Variants in DHX30 observed in about 807,000 individuals in gnomAD.
DHX30 encodes the protein ATP-dependent RNA helicase DHX30.
In DHX30, 4 loss-of-function variants were observed where a neutral mutation model predicts 116.9. The ratio of observed to expected loss-of-function variants is 0.03; its 90% CI spans 0.02 to 0.08. The LOEUF is 0.08. Among genes scored for constraint, DHX30 ranks in the 10% least tolerant of loss-of-function variants. The pLI is 1.00. For missense variants in DHX30, 871 were observed against 1,595.1 expected (o/e 0.55, Z 7.73); for synonymous variants, 697 against 651.7 (o/e 1.07, Z -1.06).
At chr3:47,823,990 CTTTTCCTTTTTT>C (rs894656863) in intron 4 of DHX30, among the ~76,000 whole-genome samples, 1 of 130,960 alleles carries the variant, frequency 7.6e-6, no homozygotes, top group African/African-American at 2.8e-5. Context: ...ATACCATTTT[CTTTTCCTTTTTT>C]TTTTTTTTTT....
chr3:47,825,348 C>G, intron 4 of DHX30: 1 of 538,806 alleles, frequency 1.9e-6, no homozygotes, highest in Non-Finnish European at 3.2e-6. Context: ...GCCGGGGGTC[C>G]TCTCTTCCAT....
chr3:47,829,556 C>A (rs2036738230), intron 6 of DHX30, among the ~76,000 whole-genome samples: 1 of 151,330 alleles, frequency 6.6e-6, no homozygotes, highest in Non-Finnish European at 1.5e-5. Context: ...GTTGGCCAGG[C>A]TGGTCTTGAA....
At chr3:47,826,796 G>A (rs1255764272) in intron 4 of DHX30, among the ~76,000 whole-genome samples, 1 of 152,178 alleles carries the variant, frequency 6.6e-6, no homozygotes, top group Admixed American at 6.5e-5. Flanking sequence ...GTTTGGTTCT[G>A]TGGGAGTCTT....
chr3:47,825,131 G>T (rs776272240), intron 4 of DHX30: 1 of 673,688 alleles, frequency 1.5e-6, no homozygotes, highest in South Asian at 1.5e-5. Flanking sequence ...CGACAGGGTC[G>T]CTCGCGCGGC....
chr3:47,803,858 A>T lies in DHX30; in HGVS notation c.-123+646A>T, dbSNP rs569325166. 2.6e-5 allele frequency among the ~76,000 whole-genome samples: 4 copies of T among 152,214 alleles called. No homozygotes were observed. In the East Asian group the frequency reaches 5.8e-4, roughly 22 times the overall value. ...TCCTCAGAAACCCTAAGCCAGGGAT[A>T]TGGCATATCTAGTCGTTGTGTAGCA... On this transcript the variant is annotated intron_variant, in intron 1 of 21. Coordinates refer to ENST00000445061, the MANE Select transcript of DHX30 (RefSeq NM_138615.3).
At chr3:47,808,876 C>T (rs1228563388) in intron 2 of DHX30, among the ~76,000 whole-genome samples, 1 of 150,696 alleles carries the variant, frequency 6.6e-6, no homozygotes, top group Non-Finnish European at 1.5e-5. Flanking sequence ...TGCAACCAGC[C>T]GAGTTTTGTT....
intron 4 of DHX30, chr3:47,824,923 A>G (rs1418818518): frequency 1.2e-5 from 6 of 483,380 alleles, no homozygotes; most frequent in Non-Finnish European, 2.2e-5. Flanking sequence ...GCCCTCGCCT[A>G]GGCTTGGGCT....
intron 4 of DHX30, among the ~76,000 whole-genome samples, chr3:47,818,769 C>T (rs2036166812): frequency 6.6e-6 from 1 of 152,166 alleles, no homozygotes; most frequent in Non-Finnish European, 1.5e-5. Flanking sequence ...TCCTCTTCTC[C>T]CTCAGACTTA....
intron 4 of DHX30, among the ~76,000 whole-genome samples, chr3:47,821,266 CTTTCTTT>C (rs1364981656): frequency 6.7e-6 from 1 of 149,204 alleles, no homozygotes; most frequent in Non-Finnish European, 1.5e-5. Context: ...TTTTTCCTAA[CTTTCTTT>C]TTTCTTTTTT....
chr3:47,847,158 C>A lies in DHX30; in HGVS notation c.1930-115C>A. On this transcript the variant is annotated intron_variant, in intron 11 of 21. Transcript: ENST00000445061. This position sits in a 1 kb window ranked among gnomAD's most constrained non-coding sequence, Gnocchi z 5.5. ...GGACTAACCCTGCCTGCGTGGCACA[C>A]GTGAGGATTGGAGTTGATGTCAAGC... The A allele has an allele frequency of 2.0e-6, 3 of 1,489,910 alleles. No individual in the cohort carries two copies. The highest frequency in any genetic ancestry group is 2.8e-6 in the Non-Finnish European group (3 of 1,075,008). The allele number at this position is 1,489,910 out of a possible 1,614,324, so 92.3% of individuals were successfully genotyped here. A position where few individuals can be genotyped will look rare whatever the true frequency, so the allele number is the denominator to read the frequency against.
intron 4 of DHX30, among the ~76,000 whole-genome samples, chr3:47,822,621 C>T (rs1249971131): frequency 6.6e-6 from 1 of 151,810 alleles, no homozygotes; most frequent in Non-Finnish European, 1.5e-5. Context: ...CCTGTCTCTA[C>T]TAAAAATACA....
chr3:47,824,944 CCGGCCCGCAGGGGGCGCG>C, intron 4 of DHX30: 1 of 492,428 alleles, frequency 2.0e-6, no homozygotes, highest in Non-Finnish European at 3.5e-6. Context: ...TCGGGTCCGC[CCGGCCCGCAGGGGGCGCG>C]CGGCGCTCGG....
intron 10 of DHX30, 86 bp from the exon 11 acceptor site, chr3:47,846,079 G>T: frequency 6.7e-7 from 1 of 1,484,152 alleles, no homozygotes; most frequent in South Asian, 1.3e-5. Flanking sequence ...CACAACATCT[G>T]ACCCAGGCGA....
chr3:47,817,053 C>A, intron 3 of DHX30: 3 of 706,156 alleles, frequency 4.2e-6, no homozygotes, highest in Non-Finnish European at 5.2e-6. Flanking sequence ...TCCTCTTTAC[C>A]AATTGTATAT....
At chr3:47,846,008 T>G (rs1385220979) in intron 10 of DHX30, among the ~76,000 whole-genome samples, 156 bp downstream of exon 10, 1 of 152,230 alleles carries the variant, frequency 6.6e-6, no homozygotes, top group East Asian at 1.9e-4. Flanking sequence ...AGCCCAGTCT[T>G]GCCCACAAGG....
At chr3:47,819,204 T>C in intron 4 of DHX30, 1 of 1,367,698 alleles carries the variant, frequency 7.3e-7, no homozygotes, top group Non-Finnish European at 9.8e-7. Flanking sequence ...CCTTTTTTTT[T>C]TCTTTCTTAA....
rs1483316344 is a variant in DHX30, at chr3:47,849,239, G to C, written c.2977G>C (p.Gly993Arg). The C allele has an allele frequency of 1.2e-6, 2 of 1,614,090 alleles. No individual in the cohort carries two copies. The highest frequency in any genetic ancestry group is 3.3e-5 in the Admixed American group (2 of 60,020). Residue 993 changes from glycine to arginine, a missense_variant, in exon 19 of 22, where the codon GGG becomes CGG. Coordinates refer to ENST00000445061, the MANE Select transcript of DHX30 (RefSeq NM_138615.3). ...GAACATTTATGAGGCCTTCCTGGTG[G>C]GGAAGCCCTCGGACTGCACCCTGGC... ...SENIYEAFLV[G>R]KPSDCTLASA...
chr3:47,830,566 G>T (rs1168920142), intron 6 of DHX30, among the ~76,000 whole-genome samples: 2 of 152,022 alleles, frequency 1.3e-5, no homozygotes, highest in Non-Finnish European at 2.9e-5. Context: ...CTCCCAAAGT[G>T]CTGGGTTTAC....
At chr3:47,843,783 C>T (rs553556694) in intron 9 of DHX30, among the ~76,000 whole-genome samples, 4 of 152,166 alleles carry the variant, frequency 2.6e-5, no homozygotes, top group Non-Finnish European at 5.9e-5. Flanking sequence ...ACTGCAGCCT[C>T]GATCTCCTAG....
Sources: allele counts gnomAD v4.1 joint callset (sites outside exome capture counted in the v4.1 genomes callset), GRCh38; gene constraint gnomAD v4.1.1; non-coding constraint Gnocchi (gnomAD v3.1); transcripts MANE v1.5; gene names NCBI Gene and HGNC (gene_info 2026-07-23, HGNC 2026-07-21).